Variants in LBHD1 observed in about 807,000 individuals in gnomAD.
LBHD1 encodes LBH domain containing 1.
LBHD1 carries 28 observed loss-of-function variants against 31.1 expected under a neutral mutation model. That is an observed-to-expected ratio of 0.90 (90% CI 0.67 to 1.24). The LOEUF is 1.24. Among genes scored for constraint, LBHD1 ranks in the 50% most tolerant of loss-of-function variants. LBHD1 has a pLI of 0.00. For missense variants in LBHD1, 350 were observed against 323.0 expected, an observed-to-expected ratio of 1.08 and a Z score of -0.64; for synonymous variants, 105 against 116.5, an observed-to-expected ratio of 0.90 and a Z score of 0.63.
intron 4 of LBHD1, chr11:62,665,912 G>A: frequency 6.2e-7 from 1 of 1,613,352 alleles, no homozygotes; most frequent in East Asian, 2.2e-5. Flanking sequence ...TCCACTTGCC[G>A]AGCCTGATGA....
At chr11:62,663,708 A>G (rs562796799) in intron 5 of LBHD1, among the ~76,000 whole-genome samples, 7 of 150,824 alleles carry the variant, frequency 4.6e-5, no homozygotes, top group African/African-American at 1.2e-4. Context: ...AAAAAAAAAA[A>G]AGGAAAAGTA....
chr11:62,671,760 G>GA lies in LBHD1; in HGVS notation c.-208dup. 6.2e-7 allele frequency: 1 copy of GA among 1,613,906 alleles called. No individual in the cohort carries two copies. Among genetic ancestry groups the GA allele is most frequent in the African/African-American group, 1.3e-5 (1 of 75,058 alleles). The stretch of plus-strand genomic sequence containing the variant: ...TGCAGGCGGCCATGGATTCCTTGCG[G>GA]AAAATGCTGATCTCAGTCGCAATGC... On this transcript the variant is annotated 5_prime_UTR_variant, in exon 1 of 7. Transcript: ENST00000354588.
intron 4 of LBHD1, chr11:62,667,053 G>C (rs117916534): frequency 0.026 from 40,642 of 1,591,026 alleles, 576 homozygotes; most frequent in Non-Finnish European, 0.029. Flanking sequence ...TCTCATTAAA[G>C]ACATTTTAGT....
Position 62,665,853 on chromosome 11 carries a change from T to C in LBHD1, c.539-880A>G, listed in dbSNP as rs1193560775. The stretch of plus-strand genomic sequence containing the variant: ...AGGGTGGACGCTTCACATAAGCTTC[T>C]CTGGTCGAACTTACCCGAATCTCCA... On this transcript the variant is annotated intron_variant, in intron 4 of 6. Coordinates refer to ENST00000354588, the MANE Select transcript of LBHD1 (RefSeq NM_024099.5). 3.1e-6 allele frequency: 5 copies of C among 1,609,866 alleles called. No homozygotes were observed. In the African/African-American group the frequency reaches 6.7e-5, roughly 21 times the overall value.
intron 4 of LBHD1, chr11:62,666,775 G>T: frequency 6.2e-7 from 1 of 1,614,174 alleles, no homozygotes; most frequent in Non-Finnish European, 8.5e-7. Context: ...AGAACCTGGG[G>T]GCTGTGGCTT....
At chr11:62,667,106 G>T in intron 4 of LBHD1, 1 of 1,502,164 alleles carries the variant, frequency 6.7e-7, no homozygotes, top group South Asian at 1.3e-5. Context: ...GAGGGCTGAA[G>T]AACTGTCTTT....
chr11:62,668,056 G>T, intron 3 of LBHD1: 1 of 254,338 alleles, frequency 3.9e-6, no homozygotes, highest in South Asian at 9.3e-5. Context: ...ATTAATTTCT[G>T]TGGTATTTTT....
At chr11:62,666,702 G>A (rs746500626) in intron 4 of LBHD1, 8 of 1,614,018 alleles carry the variant, frequency 5.0e-6, no homozygotes, top group Non-Finnish European at 3.4e-6. Context: ...GGTGGCCCAG[G>A]CCAAACACCT....
At chr11:62,664,144 C>G (rs1295487719) in intron 5 of LBHD1, among the ~76,000 whole-genome samples, 1 of 148,530 alleles carries the variant, frequency 6.7e-6, no homozygotes, top group Non-Finnish European at 1.5e-5. Flanking sequence ...AACTCTTCCT[C>G]AAGACACAGG....
At chr11:62,666,802 A>G (rs1565127945) in intron 4 of LBHD1, 11 of 1,614,072 alleles carry the variant, frequency 6.8e-6, no homozygotes, top group South Asian at 2.2e-5. Context: ...GCTCTTTCCA[A>G]CTACTGCTGG....
At chr11:62,666,574 G>A in intron 4 of LBHD1, 1 of 1,614,174 alleles carries the variant, frequency 6.2e-7, no homozygotes, top group East Asian at 2.2e-5. Context: ...TGCTGGATGT[G>A]GGCTGTGGGA....
Position 62,672,232 on chromosome 11 carries a change from C to A in LBHD1, c.-679G>T, listed in dbSNP as rs960149489. 9.1e-7 allele frequency: 1 copy of A among 1,093,706 alleles called. No homozygotes were observed. The highest frequency in any genetic ancestry group is 1.3e-6 in the Non-Finnish European group (1 of 772,118). The allele number at this position is 1,093,706 out of a possible 1,614,324, so 67.8% of individuals were successfully genotyped here. A position where few individuals can be genotyped will look rare whatever the true frequency, so the allele number is the denominator to read the frequency against. On this transcript the variant is annotated 5_prime_UTR_variant, in exon 1 of 7. Transcript: ENST00000354588. Reference sequence around the variant, plus strand: ...ACCGAGATACCATGCCAGGACTCTCCGGGGTCCTGTGAGCTGCCGTCGGGT... The same window carrying A: ...ACCGAGATACCATGCCAGGACTCTCAGGGGTCCTGTGAGCTGCCGTCGGGT...
intron 3 of LBHD1, chr11:62,669,430 A>G (rs918708147): frequency 4.1e-5 from 40 of 984,982 alleles, no homozygotes; most frequent in Admixed American, 6.2e-5. Context: ...GAAAGTACAG[A>G]TTAAAGGATG....
At chr11:62,666,632 G>T (rs772858211) in intron 4 of LBHD1, 2 of 1,614,194 alleles carry the variant, frequency 1.2e-6, no homozygotes, top group Non-Finnish European at 1.7e-6. Flanking sequence ...ACACCCAGTG[G>T]ATGTGCTGGG....
At position 62,667,578 on chromosome 11, in the gene LBHD1, A is replaced by AACACGGGAGCCTGTTG; in HGVS notation, c.467_482dup (p.Cys162AsnfsTer7). The AACACGGGAGCCTGTTG allele has an allele frequency of 6.2e-7, 1 of 1,614,212 alleles. No homozygotes were observed. The highest frequency in any genetic ancestry group is 8.5e-7 in the Non-Finnish European group (1 of 1,180,042). On this transcript the variant is annotated frameshift_variant, in exon 4 of 7. Coordinates refer to ENST00000354588, the MANE Select transcript of LBHD1 (RefSeq NM_024099.5). LOFTEE classifies it high-confidence loss of function. ...AATATTCCACAAAGCCACTTCTACA[A>AACACGGGAGCCTGTTG]ACACGGGAGCCTGTTGAGTCCCAGA...
At chr11:62,668,726 C>T (rs1944885042) in intron 3 of LBHD1, among the ~76,000 whole-genome samples, 1 of 151,172 alleles carries the variant, frequency 6.6e-6, no homozygotes, top group Non-Finnish European at 1.5e-5. Context: ...TGGCACGAAC[C>T]CAGGAGGCAG....
chr11:62,665,143 G>A (rs967382372), intron 4 of LBHD1, 170 bp from the exon 5 acceptor site: 6 of 1,013,542 alleles, frequency 5.9e-6, no homozygotes, highest in Non-Finnish European at 9.0e-6. Context: ...TTCGGGGCCG[G>A]TTGATCTTTC....
chr11:62,664,753 ACAAGGTG>A, intron 5 of LBHD1, 89 bp downstream of exon 5: 1 of 1,466,048 alleles, frequency 6.8e-7, no homozygotes, highest in Non-Finnish European at 9.2e-7. Context: ...GCGTCAGTGC[ACAAGGTG>A]AGCTGAGAGG....
chr11:62,666,016 G>C (rs909195760), intron 4 of LBHD1: 7 of 1,514,590 alleles, frequency 4.6e-6, no homozygotes. Flanking sequence ...TGGGTTCCTC[G>C]TGAGTCAGGA....
Sources: gnomAD v4.1 joint callset for allele counts (sites outside exome capture counted in the v4.1 genomes callset) on GRCh38, gnomAD v4.1.1 for gene constraint, MANE v1.5 for transcripts, NCBI Gene and HGNC (gene_info 2026-07-23, HGNC 2026-07-21) for gene names.